ASH1L: variants seen among roughly 807,000 people sequenced by gnomAD.
The protein encoded by ASH1L is histone-lysine N-methyltransferase ASH1L.
In ASH1L, 23 loss-of-function variants were observed where a neutral mutation model predicts 269.0. That is an observed-to-expected ratio of 0.09 (90% confidence interval 0.06 to 0.12). The LOEUF is 0.12. ASH1L is among the 10% of genes least tolerant of loss of function. ASH1L has a pLI of 1.00. For missense variants in ASH1L, 2,912 were observed against 3,567.8 expected (o/e 0.82, Z 4.68); for synonymous variants, 1,187 against 1,253.5 (o/e 0.95, Z 1.12).
At chr1:155,504,495 A>G (rs1481666708) in intron 2 of ASH1L, among the ~76,000 whole-genome samples, 1 of 152,218 alleles carries the variant, frequency 6.6e-6, no homozygotes, top group African/African-American at 2.4e-5. Context: ...CATGAAGACC[A>G]GGGTAGTTCA....
At position 155,449,621 on chromosome 1, in the gene ASH1L, G is replaced by A. The variant is rs149519242; in HGVS notation, c.5086+10176C>T. On this transcript the variant is annotated intron_variant, in intron 4 of 27. Transcript: ENST00000392403. ...TGCCAGCTCTGCCTCCCAGGTTCACGCCATTCTCCTACCTCAGCCTCCTGA... is the reference window on the plus strand; with the variant it reads ...TGCCAGCTCTGCCTCCCAGGTTCACACCATTCTCCTACCTCAGCCTCCTGA... Among the ~76,000 whole-genome samples the A allele has an allele frequency of 9.6e-4, 144 of 150,432 alleles. 2 individuals carry two copies. In the East Asian group the frequency reaches 0.026, roughly 27 times the overall value.
At chr1:155,490,232 G>C (rs1442157027) in intron 2 of ASH1L, among the ~76,000 whole-genome samples, 1 of 151,640 alleles carries the variant, frequency 6.6e-6, no homozygotes, top group African/African-American at 2.4e-5. Flanking sequence ...CCAAAGTGCT[G>C]GGATTACAGG....
intron 2 of ASH1L, among the ~76,000 whole-genome samples, chr1:155,483,152 G>A (rs1224985419): frequency 1.3e-5 from 2 of 152,054 alleles, no homozygotes; most frequent in Admixed American, 1.3e-4. Context: ...TCACACAATA[G>A]TCTGTTTTAC....
rs199583567 is a variant in ASH1L at position 155,411,570 on chromosome 1, T to TATAAATAA, written c.6008+4166_6008+4173dup. Among the ~76,000 whole-genome samples the TATAAATAA allele has an allele frequency of 3.6e-3, 258 of 71,592 alleles. 5 individuals carry two copies. Among genetic ancestry groups the TATAAATAA allele is most frequent in the Middle Eastern group, 8.2e-3 (1 of 122 alleles). 47.0% of individuals were successfully genotyped at this position (71,592 alleles called of 152,430 possible). The stretch of plus-strand genomic sequence containing the variant: ...TGATATATATAAATATAAATATGAA[T>TATAAATAA]ATAAATAAATAAATAAATATATATA... On this transcript the variant is annotated intron_variant, in intron 6 of 27. Coordinates refer to ENST00000392403, the MANE Select transcript of ASH1L (RefSeq NM_018489.3).
intron 12 of ASH1L, among the ~76,000 whole-genome samples, chr1:155,362,269 C>T (rs558331097): frequency 5.3e-5 from 8 of 152,030 alleles, no homozygotes; most frequent in Admixed American, 2.0e-4. Context: ...CTCCTGAGCT[C>T]GTGATCCGCC....
chr1:155,446,679 T>C (rs1456280194), intron 4 of ASH1L, among the ~76,000 whole-genome samples: 1 of 150,296 alleles, frequency 6.7e-6, no homozygotes, highest in Admixed American at 6.7e-5. Context: ...TGGACTGCAG[T>C]GGCGCGATCT....
At chr1:155,472,741 T>G (rs188349228) in intron 3 of ASH1L, among the ~76,000 whole-genome samples, 1 of 152,358 alleles carries the variant, frequency 6.6e-6, no homozygotes, top group Non-Finnish European at 1.5e-5. Context: ...TGTTGCCAGA[T>G]GTTCTGATTT....
chr1:155,432,602 G>A (rs1661692322), intron 5 of ASH1L, among the ~76,000 whole-genome samples: 1 of 152,168 alleles, frequency 6.6e-6, no homozygotes. Context: ...ACAATCTCTT[G>A]AGGGCAGAAA....
intron 3 of ASH1L, among the ~76,000 whole-genome samples, chr1:155,463,622 G>GTC (rs1383805924): frequency 6.6e-6 from 1 of 151,806 alleles, no homozygotes; most frequent in African/African-American, 2.4e-5. Context: ...GCGAAACTCA[G>GTC]TCTCTACAAA....
chr1:155,522,671 T>G (rs1319980094), intron 1 of ASH1L, among the ~76,000 whole-genome samples: 1 of 151,832 alleles, frequency 6.6e-6, no homozygotes, highest in African/African-American at 2.4e-5. Context: ...ATATAATCAT[T>G]AGGGAGATTA....
At chr1:155,450,790 A>G (rs911976112) in intron 4 of ASH1L, among the ~76,000 whole-genome samples, 6 of 152,242 alleles carry the variant, frequency 3.9e-5, no homozygotes, top group African/African-American at 1.4e-4. Context: ...CAAGGTTGGT[A>G]GCAACCCAAG....
intron 1 of ASH1L, among the ~76,000 whole-genome samples, chr1:155,530,263 T>G (rs149953992): frequency 1.9e-3 from 293 of 152,360 alleles, no homozygotes; most frequent in Non-Finnish European, 2.5e-3. Flanking sequence ...ATTTGTTGTG[T>G]ACATCTTTCC....
chr1:155,398,584 G>C (rs1223366643), intron 6 of ASH1L, among the ~76,000 whole-genome samples: 1 of 152,208 alleles, frequency 6.6e-6, no homozygotes, highest in Non-Finnish European at 1.5e-5. Context: ...TGCTCTGGGT[G>C]AGTCAGTGAG....
intron 1 of ASH1L, among the ~76,000 whole-genome samples, chr1:155,552,029 T>C (rs1671254114): frequency 2.0e-5 from 3 of 152,094 alleles, no homozygotes; most frequent in Non-Finnish European, 4.4e-5. Flanking sequence ...GCTAACAGTA[T>C]GTTATATCAG....
chr1:155,544,228 T>A (rs958813027), intron 1 of ASH1L, among the ~76,000 whole-genome samples: 2 of 151,026 alleles, frequency 1.3e-5, no homozygotes, highest in African/African-American at 4.9e-5. Flanking sequence ...AAACACTACA[T>A]ACAAAAGTAA....
At chr1:155,462,398 C>A (rs1266711990) in intron 3 of ASH1L, among the ~76,000 whole-genome samples, 1 of 152,214 alleles carries the variant, frequency 6.6e-6, no homozygotes, top group Non-Finnish European at 1.5e-5. Flanking sequence ...AAGGCTTCAA[C>A]TGTACCTTTG....
At chr1:155,396,642 T>A (rs1658367200) in intron 6 of ASH1L, among the ~76,000 whole-genome samples, 1 of 151,980 alleles carries the variant, frequency 6.6e-6, no homozygotes, top group Non-Finnish European at 1.5e-5. Context: ...AAAGCTGATA[T>A]ATTTATTTCC....
chr1:155,512,486 CTG>C (rs1668228089), intron 2 of ASH1L, among the ~76,000 whole-genome samples: 1 of 125,320 alleles, frequency 8.0e-6, no homozygotes, highest in Non-Finnish European at 1.6e-5. Flanking sequence ...GAGTCTCACT[CTG>C]TGACTCAGGC....
At chr1:155,348,984 C>A (rs1182498842) in intron 19 of ASH1L, among the ~76,000 whole-genome samples, 2 of 151,240 alleles carry the variant, frequency 1.3e-5, no homozygotes, top group Non-Finnish European at 2.9e-5. Flanking sequence ...GTATATTTCA[C>A]ATGTACTTAT....
Sources: gnomAD v4.1 joint callset for allele counts (sites outside exome capture counted in the v4.1 genomes callset) on GRCh38, gnomAD v4.1.1 for gene constraint, MANE v1.5 for transcripts, NCBI Gene and HGNC (gene_info 2026-07-23, HGNC 2026-07-21) for gene names.